CADM2: variants seen among roughly 807,000 people sequenced by gnomAD.
CADM2 encodes the protein immunoglobulin superfamily member 4D.
CADM2 carries 12 observed loss-of-function variants against 49.8 expected under a neutral mutation model. The ratio of observed to expected loss-of-function variants is 0.24; its 90% CI spans 0.15 to 0.39. The LOEUF (loss-of-function observed/expected upper bound fraction) is 0.39. Among genes scored for constraint, CADM2 ranks in the 10% least tolerant of loss-of-function variants. CADM2 has a pLI of 1.00. For missense variants in CADM2, 378 were observed against 492.3 expected (o/e 0.77, Z 2.20); for synonymous variants, 214 against 175.4 (o/e 1.22, Z -1.74).
intron 1 of CADM2, among the ~76,000 whole-genome samples, chr3:85,619,208 A>G (rs2063895836): frequency 6.6e-6 from 1 of 152,170 alleles, no homozygotes; most frequent in South Asian, 2.1e-4. Context: ...CAGTAGATGA[A>G]CATATAATCA....
intron 1 of CADM2, among the ~76,000 whole-genome samples, chr3:85,233,653 G>T (rs532090223): frequency 1.3e-5 from 2 of 152,040 alleles, no homozygotes; most frequent in African/African-American, 4.8e-5. Flanking sequence ...GCGTAGATGA[G>T]ATTTAATCAA....
intron 3 of CADM2, among the ~76,000 whole-genome samples, chr3:85,867,187 A>C (rs2075755028): frequency 6.6e-6 from 1 of 152,098 alleles, no homozygotes; most frequent in Admixed American, 6.5e-5. Flanking sequence ...TATGTCTAAG[A>C]CAGTGTCTAT....
At chr3:85,745,778 T>A (rs150302833) in intron 2 of CADM2, among the ~76,000 whole-genome samples, 142 of 152,230 alleles carry the variant, frequency 9.3e-4, no homozygotes, top group South Asian at 3.7e-3. Context: ...GGTGGCAGGA[T>A]GGCTTGAGCT....
intron 2 of CADM2, among the ~76,000 whole-genome samples, chr3:85,775,345 T>C (rs1371696322): frequency 1.3e-5 from 2 of 151,784 alleles, no homozygotes; most frequent in African/African-American, 4.8e-5. Flanking sequence ...CTTTGTGCCC[T>C]ATTATAGTAT....
At chr3:85,345,913 A>G (rs935729346) in intron 1 of CADM2, among the ~76,000 whole-genome samples, 3 of 152,330 alleles carry the variant, frequency 2.0e-5, no homozygotes, top group East Asian at 1.9e-4. Flanking sequence ...TTAATCTCCA[A>G]TTGTTCAGAG....
chr3:85,897,869 G>A (rs944591791), intron 5 of CADM2, among the ~76,000 whole-genome samples: 2 of 152,062 alleles, frequency 1.3e-5, no homozygotes, highest in Admixed American at 1.3e-4. Flanking sequence ...TGTCCCCTGA[G>A]TTTAAAGTCC....
intron 2 of CADM2, among the ~76,000 whole-genome samples, chr3:85,790,739 C>T (rs188702337): frequency 4.6e-5 from 7 of 152,272 alleles, no homozygotes; most frequent in East Asian, 1.9e-4. Flanking sequence ...TATCAGGAGG[C>T]GAAAGCCCTT....
At chr3:85,291,547 G>C (rs1321277484) in intron 1 of CADM2, among the ~76,000 whole-genome samples, 1 of 146,986 alleles carries the variant, frequency 6.8e-6, no homozygotes, top group Non-Finnish European at 1.5e-5. Flanking sequence ...AGAAAGGTCG[G>C]GTTACCCTCA....
intron 1 of CADM2, among the ~76,000 whole-genome samples, chr3:85,581,162 A>G (rs2107295249): frequency 6.6e-6 from 1 of 152,236 alleles, no homozygotes; most frequent in African/African-American, 2.4e-5. Flanking sequence ...TTGAATTTAC[A>G]TTGCACGTAC....
At chr3:85,773,638 C>G (rs1039417966) in intron 2 of CADM2, among the ~76,000 whole-genome samples, 12 of 151,952 alleles carry the variant, frequency 7.9e-5, no homozygotes, top group Admixed American at 5.3e-4. Flanking sequence ...TGCTTTCAGG[C>G]ACATTTACAT....
intron 1 of CADM2, among the ~76,000 whole-genome samples, chr3:85,422,284 G>A (rs2036205853): frequency 6.6e-6 from 1 of 152,018 alleles, no homozygotes; most frequent in African/African-American, 2.4e-5. Context: ...AAATAATGCA[G>A]CAGCCTTTTT....
At chr3:84,991,507 A>T (rs1020280978) in intron 1 of CADM2, among the ~76,000 whole-genome samples, 2 of 152,172 alleles carry the variant, frequency 1.3e-5, no homozygotes, top group Admixed American at 1.3e-4. Flanking sequence ...CCTAGGAAAA[A>T]AACTAATAGT....
At chr3:85,062,673 A>T (rs921658106) in intron 1 of CADM2, among the ~76,000 whole-genome samples, 60 of 151,990 alleles carry the variant, frequency 3.9e-4, no homozygotes, top group African/African-American at 1.4e-3. Flanking sequence ...AATATTTTAA[A>T]TTTTAAAAAA....
intron 1 of CADM2, among the ~76,000 whole-genome samples, chr3:85,035,231 G>A (rs1193600875): frequency 6.6e-6 from 1 of 152,010 alleles, no homozygotes; most frequent in Non-Finnish European, 1.5e-5. Flanking sequence ...TTTGATAATT[G>A]TCTATTCATA....
intron 1 of CADM2, among the ~76,000 whole-genome samples, chr3:85,248,248 A>G (rs1458023449): frequency 6.6e-6 from 1 of 151,998 alleles, no homozygotes; most frequent in African/African-American, 2.4e-5. Flanking sequence ...ATGAACTTAC[A>G]TGCCATTCAC....
At chr3:85,645,931 A>G (rs937254933) in intron 1 of CADM2, among the ~76,000 whole-genome samples, 5 of 152,036 alleles carry the variant, frequency 3.3e-5, no homozygotes, top group Admixed American at 2.6e-4. Context: ...TATACTCCCT[A>G]TGGTGTCTCT....
At chr3:85,767,366 G>T (rs982774253) in intron 2 of CADM2, among the ~76,000 whole-genome samples, 1 of 152,152 alleles carries the variant, frequency 6.6e-6, no homozygotes, top group African/African-American at 2.4e-5. Context: ...AAGCAGAAGA[G>T]ATTTCAAAAT....
At chr3:85,760,912 C>T (rs1038481911) in intron 2 of CADM2, among the ~76,000 whole-genome samples, 38 of 151,928 alleles carry the variant, frequency 2.5e-4, no homozygotes, top group African/African-American at 8.9e-4. Context: ...AGGTATACAC[C>T]CTTTAAATAT....
chr3:85,349,127 C>T (rs933841339), intron 1 of CADM2, among the ~76,000 whole-genome samples: 29 of 152,146 alleles, frequency 1.9e-4, no homozygotes, highest in African/African-American at 7.0e-4. Flanking sequence ...CTCCCCTGTT[C>T]TAAATGCCAT....
Sources: gnomAD v4.1 joint callset for allele counts (sites outside exome capture counted in the v4.1 genomes callset) on GRCh38, gnomAD v4.1.1 for gene constraint, MANE v1.5 for transcripts, NCBI Gene and HGNC (gene_info 2026-07-23, HGNC 2026-07-21) for gene names.